PREX2: variants seen among roughly 807,000 people sequenced by gnomAD.
PREX2 encodes phosphatidylinositol-3,4,5-trisphosphate dependent Rac exchange factor 2.
PREX2 carries 107 observed loss-of-function variants against 203.2 expected under a neutral mutation model. The observed-to-expected ratio is 0.53, with a 90% CI of 0.45 to 0.62. PREX2 has a LOEUF of 0.62. Among genes scored for constraint, PREX2 ranks in the 20% least tolerant of loss-of-function variants. The probability of loss-of-function intolerance (pLI) is 0.00; values close to 1 mark genes in which losing one functional copy is unlikely to be tolerated. For missense variants in PREX2, 1,777 were observed against 1,955.9 expected, an observed-to-expected ratio of 0.91 and a Z score of 1.72; for synonymous variants, 672 against 663.6, an observed-to-expected ratio of 1.01 and a Z score of -0.19.
intron 26 of PREX2, among the ~76,000 whole-genome samples, chr8:68,116,342 A>G (rs77826184): frequency 0.022 from 3,369 of 152,168 alleles, 107 homozygotes; most frequent in African/African-American, 0.068. Flanking sequence ...TTCATTGTCT[A>G]TGTTCCAACC....
rs143413305 is a variant in PREX2, at chr8:68,139,152, T to C, written c.4087+635T>C. Among the ~76,000 whole-genome samples, 22 of 152,286 alleles carry C rather than the reference T, an allele frequency of 1.4e-4. 1 individual carries two copies. The highest frequency in any genetic ancestry group is 4.8e-4 in the African/African-American group (20 of 41,554). ...AGATAAATAATAGGCAAAATAATTT[T>C]ATAATAAATTAGAAGGCAATTATGT... On this transcript the variant is annotated intron_variant, in intron 33 of 39. Transcript: ENST00000288368.
intron 35 of PREX2, among the ~76,000 whole-genome samples, chr8:68,163,603 C>G (rs1409195195): frequency 6.6e-6 from 1 of 152,088 alleles, no homozygotes; most frequent in Non-Finnish European, 1.5e-5. Context: ...GTTTTTAAAG[C>G]TGAATAATTT....
At chr8:68,087,644 G>A in intron 18 of PREX2, 80 bp from the exon 19 acceptor site, 1 of 980,030 alleles carries the variant, frequency 1.0e-6, no homozygotes, top group South Asian at 1.3e-5. Context: ...TTATTGAGAG[G>A]TGTAAAGCTG....
intron 1 of PREX2, among the ~76,000 whole-genome samples, chr8:68,012,574 A>G (rs1807296384): frequency 6.6e-6 from 1 of 152,182 alleles, no homozygotes; most frequent in South Asian, 2.1e-4. Context: ...GGTGTGGGAT[A>G]TTTTAATGAT....
chr8:68,092,028 C>T (rs569444771), intron 20 of PREX2, among the ~76,000 whole-genome samples: 21 of 152,202 alleles, frequency 1.4e-4, no homozygotes, highest in African/African-American at 5.1e-4. Context: ...GACGTGGCTG[C>T]ATTCTGCTGG....
At chr8:68,128,081 A>T (rs970780557) in intron 31 of PREX2, among the ~76,000 whole-genome samples, 1 of 152,228 alleles carries the variant, frequency 6.6e-6, no homozygotes, top group Middle Eastern at 3.2e-3. Flanking sequence ...TTTCATTCAA[A>T]ATGCATTTAC....
At chr8:68,098,962 A>G (rs62522675) in intron 22 of PREX2, among the ~76,000 whole-genome samples, 1 of 87,744 alleles carries the variant, frequency 1.1e-5, no homozygotes. Context: ...ATATATATAT[A>G]TATATATATA....
Position 68,108,131 on chromosome 8 carries a change from G to A in PREX2, c.2738G>A (p.Arg913Lys). The A allele has an allele frequency of 1.2e-6, 2 of 1,613,316 alleles. No homozygotes were observed. The highest frequency in any genetic ancestry group is 1.7e-6 in the Non-Finnish European group (2 of 1,179,638). ...YKKFSRVLKNRAWPTFKQAKS... is the reference protein window; with the variant it reads ...YKKFSRVLKNKAWPTFKQAKS... The stretch of plus-strand genomic sequence containing the variant: ...CAGTTTTCTCGTGTACTGAAGAATA[G>A]GGCCTGGCCTACTTTTAAACAGGCC... The change falls in exon 24 of 40, where the codon AGG (arginine) becomes AAG (lysine). Residue 913 changes from arginine (R) to lysine (K), a missense_variant. Physicochemically the swap from Arg to Lys is conservative, Grantham distance 26 (BLOSUM62 2). Coordinates refer to ENST00000288368, the MANE Select transcript of PREX2 (RefSeq NM_024870.4).
chr8:68,215,560 A>G (rs1812817473), intron 37 of PREX2, among the ~76,000 whole-genome samples: 1 of 151,818 alleles, frequency 6.6e-6, no homozygotes, highest in Admixed American at 6.6e-5. Context: ...TTTTTGAGAC[A>G]GAGTCTCGCT....
At chr8:68,089,454 G>T (rs767243568) in intron 19 of PREX2, among the ~76,000 whole-genome samples, 7 of 152,154 alleles carry the variant, frequency 4.6e-5, no homozygotes, top group Non-Finnish European at 1.0e-4. Context: ...TCAAGGCAAA[G>T]ACTTCACAGT....
chr8:68,017,750 T>G (rs936785670), intron 1 of PREX2, 96 bp from the exon 2 acceptor site: 18 of 968,008 alleles, frequency 1.9e-5, no homozygotes, highest in Non-Finnish European at 2.7e-5. Flanking sequence ...GTTTTACACT[T>G]TGGTTTGTTG....
intron 1 of PREX2, among the ~76,000 whole-genome samples, chr8:68,008,048 G>GT (rs1807149042): frequency 6.6e-6 from 1 of 152,220 alleles, no homozygotes; most frequent in Non-Finnish European, 1.5e-5. Flanking sequence ...ACATCTAGTA[G>GT]TTGGCAGAGT....
At chr8:68,154,148 A>G (rs1215682129) in intron 34 of PREX2, among the ~76,000 whole-genome samples, 1 of 152,140 alleles carries the variant, frequency 6.6e-6, no homozygotes, top group African/African-American at 2.4e-5. Flanking sequence ...TTAAGTCACA[A>G]ATCAAAGTGT....
chr8:68,044,627 G>A (rs1808295199), intron 8 of PREX2, 37 bp downstream of exon 8: 1 of 1,417,086 alleles, frequency 7.1e-7, no homozygotes, highest in South Asian at 1.2e-5. Flanking sequence ...GATGCCAATA[G>A]TAAATAGAAA....
chr8:68,202,372 G>C (rs538725484), intron 37 of PREX2, among the ~76,000 whole-genome samples: 32 of 152,310 alleles, frequency 2.1e-4, no homozygotes, highest in African/African-American at 7.2e-4. Context: ...AGAGTGGAAG[G>C]CTCTGGCTGC....
chr8:68,018,020 A>G (rs2129610162), intron 2 of PREX2, 103 bp downstream of exon 2: 1 of 799,352 alleles, frequency 1.3e-6, no homozygotes, highest in East Asian at 2.7e-5. Context: ...CGGCAGTTCC[A>G]CTACAAGTTG....
intron 8 of PREX2, among the ~76,000 whole-genome samples, chr8:68,052,677 A>G (rs1224221066): frequency 2.0e-5 from 3 of 152,196 alleles, no homozygotes; most frequent in Non-Finnish European, 4.4e-5. Flanking sequence ...TCCATGGGGC[A>G]TAGACTGTCT....
chr8:68,119,255 G>C (rs146365194), intron 27 of PREX2, among the ~76,000 whole-genome samples, 177 bp from the exon 28 acceptor site: 1 of 152,162 alleles, frequency 6.6e-6, no homozygotes. Context: ...AGAAGAAATA[G>C]TAACATCCCA....
chr8:68,137,618 G>A (rs1189827657), intron 32 of PREX2, among the ~76,000 whole-genome samples: 1 of 152,066 alleles, frequency 6.6e-6, no homozygotes, highest in Admixed American at 6.6e-5. Context: ...GATAAGCTAT[G>A]TATGACAAAG....
Sources: gnomAD v4.1 joint callset for allele counts (sites outside exome capture counted in the v4.1 genomes callset) on GRCh38, gnomAD v4.1.1 for gene constraint, MANE v1.5 for transcripts, NCBI Gene and HGNC (gene_info 2026-07-23, HGNC 2026-07-21) for gene names.